WDR70: variants seen among roughly 807,000 people sequenced by gnomAD.
WDR70 encodes the protein WD repeat-containing protein 70.
WDR70 carries 53 observed loss-of-function variants against 88.6 expected under a neutral mutation model. The observed-to-expected ratio is 0.60, with a 90% CI of 0.48 to 0.75. The LOEUF (loss-of-function observed/expected upper bound fraction) is 0.75. Among genes scored for constraint, WDR70 ranks in the 30% least tolerant of loss-of-function variants. WDR70 has a pLI of 0.00. For synonymous variants in WDR70, 280 were observed against 270.0 expected (o/e 1.04, Z -0.36); for missense variants, 610 against 823.2 (o/e 0.74, Z 3.17).
intron 10 of WDR70, among the ~76,000 whole-genome samples, chr5:37,642,640 C>T (rs1026990700): frequency 3.3e-5 from 5 of 152,122 alleles, no homozygotes; most frequent in Non-Finnish European, 7.4e-5. Flanking sequence ...CTCTTTTCTC[C>T]ACATCCTCAC....
At chr5:37,425,362 G>T (rs1320073405) in intron 5 of WDR70, among the ~76,000 whole-genome samples, 2 of 152,254 alleles carry the variant, frequency 1.3e-5, no homozygotes, top group African/African-American at 4.8e-5. Flanking sequence ...TGGGAGACAG[G>T]TTGTAATTTA....
At chr5:37,431,176 G>A (rs954556668) in intron 5 of WDR70, among the ~76,000 whole-genome samples, 3 of 152,154 alleles carry the variant, frequency 2.0e-5, no homozygotes, top group African/African-American at 7.2e-5. Flanking sequence ...AGTTCTGACT[G>A]TCATCGGATT....
chr5:37,433,497 T>C (rs1750376385), intron 5 of WDR70, among the ~76,000 whole-genome samples: 1 of 152,200 alleles, frequency 6.6e-6, no homozygotes, highest in Non-Finnish European at 1.5e-5. Context: ...AGGAATTGGC[T>C]CCAGGACTCT....
chr5:37,516,970 C>T (rs1258893845), intron 9 of WDR70, among the ~76,000 whole-genome samples: 1 of 152,078 alleles, frequency 6.6e-6, no homozygotes, highest in Non-Finnish European at 1.5e-5. Context: ...GATCTGCCTG[C>T]CTCAGCCTCC....
chr5:37,731,041 C>T (rs10064268), intron 17 of WDR70, among the ~76,000 whole-genome samples: 5,004 of 152,138 alleles, frequency 0.033, 285 homozygotes, highest in African/African-American at 0.11. Flanking sequence ...CAGGGAGGGT[C>T]GCTTTGGCTT....
rs1451619089 is a variant in WDR70, at chr5:37,476,546, T to C, written c.687-3288T>C. Among the ~76,000 whole-genome samples the C allele has an allele frequency of 6.3e-5, 5 of 79,084 alleles. No homozygotes were observed. The South Asian group carries it at 4.4e-3, about 70-fold the overall frequency. 51.9% of individuals were successfully genotyped at this position (79,084 alleles called of 152,430 possible). A position where few individuals can be genotyped will look rare whatever the true frequency, so the allele number is the denominator to read the frequency against. ...ATCTACAATGTTTTATTGTTTCTTT[T>C]TTCTTCTTCTTTTTTTTTTTCTGAG... On this transcript the variant is annotated intron_variant, in intron 7 of 17. Transcript: ENST00000265107.
In WDR70 at chr5:37,490,668, T is replaced by C. The variant is rs180936448; in HGVS notation, c.840+10681T>C. On this transcript the variant is annotated intron_variant, in intron 8 of 17. Coordinates refer to ENST00000265107, the MANE Select transcript of WDR70 (RefSeq NM_018034.4). ...AGCCTGCCCTTAGAGCATGTGCGGG[T>C]GTGCTGGGGCTTTGTTGCCGGGGGT... Among the ~76,000 whole-genome samples, 239 of 151,876 alleles carry C rather than the reference T, an allele frequency of 1.6e-3. 2 individuals are homozygous for C. Among genetic ancestry groups the C allele is most frequent in the African/African-American group, 5.6e-3 (231 of 41,436 alleles).
At chr5:37,731,219 G>T (rs1204467658) in intron 17 of WDR70, among the ~76,000 whole-genome samples, 1 of 152,156 alleles carries the variant, frequency 6.6e-6, no homozygotes, top group East Asian at 1.9e-4. Context: ...AGAGGTAGGT[G>T]CTCCTGCTGT....
At chr5:37,395,424 G>A (rs921289911) in intron 4 of WDR70, among the ~76,000 whole-genome samples, 15 of 152,160 alleles carry the variant, frequency 9.9e-5, no homozygotes, top group African/African-American at 3.6e-4. Context: ...AGAAAAGAGG[G>A]ATGAGGAAAT....
At chr5:37,517,906 T>G (rs2112261212) in intron 9 of WDR70, among the ~76,000 whole-genome samples, 1 of 148,060 alleles carries the variant, frequency 6.8e-6, no homozygotes, top group South Asian at 2.1e-4. Context: ...ATTATTTATT[T>G]TATTTATTAT....
At chr5:37,693,631 G>T (rs980576251) in intron 10 of WDR70, among the ~76,000 whole-genome samples, 1 of 152,182 alleles carries the variant, frequency 6.6e-6, no homozygotes, top group African/African-American at 2.4e-5. Context: ...AATAAATGGT[G>T]CTGGGAAAAC....
At chr5:37,695,032 T>C (rs1320203782) in intron 10 of WDR70, among the ~76,000 whole-genome samples, 2 of 152,164 alleles carry the variant, frequency 1.3e-5, no homozygotes, top group African/African-American at 4.8e-5. Context: ...TTTATTTGGC[T>C]CATGGTTCTG....
At chr5:37,647,954 C>G (rs1367680798) in intron 10 of WDR70, among the ~76,000 whole-genome samples, 1 of 152,124 alleles carries the variant, frequency 6.6e-6, no homozygotes. Flanking sequence ...TGAGAAATCG[C>G]TATCATGAGA....
chr5:37,677,057 A>T (rs1040356844), intron 10 of WDR70, among the ~76,000 whole-genome samples: 1 of 152,114 alleles, frequency 6.6e-6, no homozygotes, highest in African/African-American at 2.4e-5. Flanking sequence ...GGTAGTTCAT[A>T]TTTCTGTGGG....
At chr5:37,678,784 G>A (rs560808588) in intron 10 of WDR70, among the ~76,000 whole-genome samples, 1 of 152,318 alleles carries the variant, frequency 6.6e-6, no homozygotes, top group East Asian at 1.9e-4. Context: ...AGCCTGCCTT[G>A]CTAGATTGGG....
chr5:37,493,442 A>G (rs1223561763), intron 8 of WDR70, among the ~76,000 whole-genome samples: 2 of 152,240 alleles, frequency 1.3e-5, no homozygotes, highest in African/African-American at 2.4e-5. Flanking sequence ...GCCCCAGCTG[A>G]CAGGCAGCAA....
chr5:37,389,749 T>C (rs924828606), intron 3 of WDR70, among the ~76,000 whole-genome samples: 1 of 152,100 alleles, frequency 6.6e-6, no homozygotes, highest in Non-Finnish European at 1.5e-5. Context: ...TTTTTTTAAA[T>C]TTTTTCCAGT....
chr5:37,704,769 A>G (rs1747272666), intron 13 of WDR70, among the ~76,000 whole-genome samples: 1 of 152,216 alleles, frequency 6.6e-6, no homozygotes, highest in African/African-American at 2.4e-5. Flanking sequence ...ATTGTAGATC[A>G]TGTGTAAATC....
At chr5:37,527,246 C>G (rs544404918) in intron 9 of WDR70, among the ~76,000 whole-genome samples, 13 of 152,136 alleles carry the variant, frequency 8.5e-5, no homozygotes, top group Non-Finnish European at 1.9e-4. Context: ...TACAAGGCCA[C>G]AGTAATCAAA....
Sources: allele counts gnomAD v4.1 joint callset (sites outside exome capture counted in the v4.1 genomes callset), GRCh38; gene constraint gnomAD v4.1.1; transcripts MANE v1.5; gene names NCBI Gene and HGNC (gene_info 2026-07-23, HGNC 2026-07-21).